The following CNTN5 variants were observed in gnomAD, a reference collection of about 807,000 sequenced individuals.
The protein encoded by CNTN5 is contactin-5.
A neutral mutation model predicts 129.1 loss-of-function variants in CNTN5; 77 were observed. The observed-to-expected ratio is 0.60, with a 90% CI of 0.50 to 0.72. The LOEUF is 0.72. Ranked by LOEUF, CNTN5 falls within the 30% of genes least tolerant of loss-of-function variation. CNTN5 has a pLI of 0.00. For missense variants in CNTN5, 1,478 were observed against 1,328.8 expected (o/e 1.11, Z -1.75); for synonymous variants, 509 against 465.6 (o/e 1.09, Z -1.20).
chr11:99,766,674 AT>A (rs542830643), intron 3 of CNTN5, among the ~76,000 whole-genome samples: 1 of 151,820 alleles, frequency 6.6e-6, no homozygotes, highest in Non-Finnish European at 1.5e-5. Context: ...CTGTTAACTT[AT>A]TTTTTCATCA....
intron 3 of CNTN5, among the ~76,000 whole-genome samples, chr11:99,771,242 A>C (rs952608002): frequency 6.6e-6 from 1 of 152,076 alleles, no homozygotes; most frequent in Non-Finnish European, 1.5e-5. Flanking sequence ...AAAGAGAAAA[A>C]GTCAGTATGC....
At chr11:99,852,611 G>C (rs1469972445) in intron 6 of CNTN5, among the ~76,000 whole-genome samples, 1 of 152,084 alleles carries the variant, frequency 6.6e-6, no homozygotes, top group Non-Finnish European at 1.5e-5. Context: ...CAACCAAACA[G>C]GTACTTTCAT....
rs181065359 is a variant in CNTN5 at position 100,107,540 on chromosome 11, G to A, written c.1580+33246G>A. 1.4e-3 allele frequency among the ~76,000 whole-genome samples: 190 copies of A among 140,694 alleles called. 2 individuals carry two copies. The highest frequency in any genetic ancestry group is 4.9e-3 in the African/African-American group (183 of 37,356). The allele number at this position is 140,694 out of a possible 152,430, so 92.3% of individuals were successfully genotyped here. A position where few individuals can be genotyped will look rare whatever the true frequency, so the allele number is the denominator to read the frequency against. Reference sequence around the variant, plus strand: ...AACATCTCAGTGGTTCCAAAATACAGCAGAATCAGATAAATGTTTGGGAAC... The same window carrying A: ...AACATCTCAGTGGTTCCAAAATACAACAGAATCAGATAAATGTTTGGGAAC... On this transcript the variant is annotated intron_variant, in intron 13 of 24. Coordinates refer to ENST00000524871, the MANE Select transcript of CNTN5 (RefSeq NM_014361.4).
At chr11:100,309,495 T>A in intron 21 of CNTN5, 1 of 968,376 alleles carries the variant, frequency 1.0e-6, no homozygotes. Flanking sequence ...TACAATATCA[T>A]GGACTTATTT....
chr11:99,407,010 G>A (rs1270277527), intron 2 of CNTN5, among the ~76,000 whole-genome samples: 1 of 151,810 alleles, frequency 6.6e-6, no homozygotes, highest in Non-Finnish European at 1.5e-5. Context: ...TCCTAGAATC[G>A]GGAACCCCAA....
chr11:100,215,335 CA>C (rs1949116080), intron 15 of CNTN5, among the ~76,000 whole-genome samples: 1 of 152,130 alleles, frequency 6.6e-6, no homozygotes, highest in Non-Finnish European at 1.5e-5. Flanking sequence ...AAGGCCAGTC[CA>C]GATTCAAGGA....
chr11:100,004,416 G>C (rs1565779664), intron 9 of CNTN5, among the ~76,000 whole-genome samples: 1 of 152,036 alleles, frequency 6.6e-6, no homozygotes, highest in Admixed American at 6.6e-5. Context: ...TATCACTCCT[G>C]AAATAGGCTA....
intron 3 of CNTN5, among the ~76,000 whole-genome samples, chr11:99,766,002 A>G (rs1337663488): frequency 1.3e-5 from 2 of 152,048 alleles, no homozygotes; most frequent in African/African-American, 2.4e-5. Context: ...TAATTTTACT[A>G]GCATCTTGAA....
chr11:99,973,169 G>A (rs191889388), intron 8 of CNTN5, among the ~76,000 whole-genome samples: 1 of 152,084 alleles, frequency 6.6e-6, no homozygotes, highest in Admixed American at 6.6e-5. Context: ...GAGAATGCAG[G>A]TAATTCTGAC....
chr11:99,830,459 A>G (rs1250432690), intron 4 of CNTN5, among the ~76,000 whole-genome samples: 2 of 152,146 alleles, frequency 1.3e-5, no homozygotes, highest in African/African-American at 4.8e-5. Flanking sequence ...GGGCAATGGC[A>G]TCCTGACTCA....
Position 99,358,255 on chromosome 11 carries a change from ATTTT to A in CNTN5, c.-71+32788_-71+32791del, listed in dbSNP as rs1186386021. ...AGGCGCCCGCCACCACGCCCTGCTGATTTTTTTTTTTTTTTTTTTTAGTAGAGAT... is the reference window on the plus strand; with the variant it reads ...AGGCGCCCGCCACCACGCCCTGCTGATTTTTTTTTTTTTTTTAGTAGAGAT... On this transcript the variant is annotated intron_variant, in intron 2 of 24. Coordinates refer to ENST00000524871, the MANE Select transcript of CNTN5 (RefSeq NM_014361.4). Among the ~76,000 whole-genome samples the A allele has an allele frequency of 3.9e-3, 182 of 46,924 alleles. 12 individuals carry two copies. The highest frequency in any genetic ancestry group is 5.6e-3 in the African/African-American group (77 of 13,818). The allele number at this position is 46,924 out of a possible 152,430, so 30.8% of individuals were successfully genotyped here.
At chr11:99,521,661 T>G (rs1021432040) in intron 2 of CNTN5, among the ~76,000 whole-genome samples, 2 of 152,204 alleles carry the variant, frequency 1.3e-5, no homozygotes, top group African/African-American at 2.4e-5. Flanking sequence ...TCCTCCTCCT[T>G]GCTCATTAAG....
rs114643950 is a variant in CNTN5 at position 99,609,294 on chromosome 11, C to G, written c.55+53025C>G. Among the ~76,000 whole-genome samples, 445 of 152,184 alleles carry G rather than the reference C, an allele frequency of 2.9e-3. 3 individuals are homozygous for G. The highest frequency in any genetic ancestry group is 0.01 in the African/African-American group (421 of 41,518). On this transcript the variant is annotated intron_variant, in intron 3 of 24. Transcript: ENST00000524871. ...TATATAGACCCAAAGAGATAAGTGG[C>G]AAGCAATTATTCTGAGCAAGGATAC...
intron 2 of CNTN5, among the ~76,000 whole-genome samples, chr11:99,495,628 G>A (rs1021622636): frequency 2.6e-5 from 4 of 152,086 alleles, no homozygotes; most frequent in Non-Finnish European, 5.9e-5. Flanking sequence ...TGTATCATGC[G>A]ATGAAGATTG....
At chr11:99,374,526 CA>C (rs949168158) in intron 2 of CNTN5, among the ~76,000 whole-genome samples, 7 of 151,574 alleles carry the variant, frequency 4.6e-5, no homozygotes, top group South Asian at 2.1e-4. Context: ...TACAAAAATA[CA>C]AAAAAAATTA....
chr11:100,141,192 A>G (rs1297761773), intron 13 of CNTN5, among the ~76,000 whole-genome samples: 2 of 152,114 alleles, frequency 1.3e-5, no homozygotes, highest in Non-Finnish European at 2.9e-5. Flanking sequence ...AAGGCAATAC[A>G]TACAGCCATG....
chr11:99,628,621 C>CAA (rs1951219772), intron 3 of CNTN5, among the ~76,000 whole-genome samples: 9 of 150,758 alleles, frequency 6.0e-5, no homozygotes, highest in African/African-American at 2.2e-4. Flanking sequence ...GACACACACA[C>CAA]ACACACACAC....
At chr11:99,049,044 A>G (rs144285249) in intron 1 of CNTN5, among the ~76,000 whole-genome samples, 98 of 152,246 alleles carry the variant, frequency 6.4e-4, no homozygotes, top group African/African-American at 2.4e-3. Context: ...GAGAATTGGG[A>G]AACATGGTAT....
intron 2 of CNTN5, among the ~76,000 whole-genome samples, chr11:99,549,717 C>A (rs998591833): frequency 2.0e-5 from 3 of 152,146 alleles, no homozygotes; most frequent in Non-Finnish European, 4.4e-5. Flanking sequence ...AGCATCCCAA[C>A]ACAACACAAG....
Sources: gnomAD v4.1 joint callset for allele counts (sites outside exome capture counted in the v4.1 genomes callset) on GRCh38, gnomAD v4.1.1 for gene constraint, MANE v1.5 for transcripts, NCBI Gene and HGNC (gene_info 2026-07-23, HGNC 2026-07-21) for gene names.